The following PAPPA2 variants were observed in gnomAD, a reference collection of about 807,000 sequenced individuals.
The protein encoded by PAPPA2 is pappalysin-2.
A neutral mutation model predicts 176.4 loss-of-function variants in PAPPA2; 86 were observed. That is an observed-to-expected ratio of 0.49 (90% confidence interval 0.41 to 0.58). The LOEUF (loss-of-function observed/expected upper bound fraction) is 0.58, where lower values mean the gene tolerates loss of function less well. PAPPA2 is among the 20% of genes least tolerant of loss of function. The pLI is 0.00. For synonymous variants in PAPPA2, 809 were observed against 852.2 expected (o/e 0.95, Z 0.88); for missense variants, 2,073 against 2,256.9 (o/e 0.92, Z 1.65).
At chr1:176,547,501 T>C (rs1470498343) in intron 1 of PAPPA2, among the ~76,000 whole-genome samples, 1 of 152,206 alleles carries the variant, frequency 6.6e-6, no homozygotes, top group Non-Finnish European at 1.5e-5. Context: ...TCTGCCTTGG[T>C]TGTCATGACT....
At chr1:176,767,576 G>T (rs1346961024) in intron 15 of PAPPA2, among the ~76,000 whole-genome samples, 2 of 152,168 alleles carry the variant, frequency 1.3e-5, no homozygotes, top group Non-Finnish European at 2.9e-5. Flanking sequence ...TCCATCTGCT[G>T]ACCTCGTGAT....
intron 2 of PAPPA2, among the ~76,000 whole-genome samples, chr1:176,593,382 C>T (rs1332738270): frequency 6.6e-6 from 1 of 152,124 alleles, no homozygotes; most frequent in Non-Finnish European, 1.5e-5. Context: ...GGTATCTGAT[C>T]CAAAGACTAG....
rs774718615 is a variant in PAPPA2, at chr1:176,556,940, G to A, written c.618G>A (p.Ala206=). The A allele has an allele frequency of 1.2e-5, 19 of 1,613,930 alleles. No individual in the cohort carries two copies. The highest frequency in any genetic ancestry group is 1.6e-4 in the Middle Eastern group (1 of 6,084). The change falls in exon 2 of 23, where the codon GCG becomes GCA. Residue 206 remains alanine (A), a synonymous_variant. Transcript: ENST00000367662. ...GTCGCCAAGTGTGGAAGAGGCGGGC[G>A]GAAGATGGGCAGGGAGACTCCGGTA... ...RQRRQVWKRR[A]EDGQGDSGIS...
In PAPPA2 at chr1:176,699,732, A is replaced by G. The variant is rs1169421436; in HGVS notation, c.3236+143A>G. On this transcript the variant is annotated intron_variant, in intron 8 of 22. Coordinates refer to ENST00000367662, the MANE Select transcript of PAPPA2 (RefSeq NM_020318.3). ...AGAGGGGATTTTACCGTAAAGTGGC[A>G]TATCTGAGGTAAAGAAAAGCACTTC... is the stretch of plus-strand genomic sequence containing the variant. 7.4e-6 allele frequency: 10 copies of G among 1,351,210 alleles called. No homozygotes were observed. In the East Asian group the frequency reaches 2.1e-4, roughly 29 times the overall value. The allele number at this position is 1,351,210 out of a possible 1,614,324, so 83.7% of individuals were successfully genotyped here. A position where few individuals can be genotyped will look rare whatever the true frequency, so the allele number is the denominator to read the frequency against.
chr1:176,813,182 A>G (rs1175551900), intron 21 of PAPPA2, among the ~76,000 whole-genome samples: 2 of 152,086 alleles, frequency 1.3e-5, no homozygotes, highest in Non-Finnish European at 2.9e-5. Context: ...TTCCTTATCT[A>G]GTCTACCGTT....
chr1:176,694,010 T>A (rs1202997117), intron 6 of PAPPA2, among the ~76,000 whole-genome samples: 1 of 152,202 alleles, frequency 6.6e-6, no homozygotes, highest in Non-Finnish European at 1.5e-5. Context: ...TGCAGTTTGC[T>A]TCCTTTTCTC....
intron 2 of PAPPA2, among the ~76,000 whole-genome samples, chr1:176,562,506 T>G (rs1558439065): frequency 6.6e-6 from 1 of 152,220 alleles, no homozygotes; most frequent in Non-Finnish European, 1.5e-5. Flanking sequence ...CCTCAGTTGC[T>G]TCTTCCTATA....
chr1:176,670,464 CT>C, intron 3 of PAPPA2, among the ~76,000 whole-genome samples: 2 of 152,240 alleles, frequency 1.3e-5, no homozygotes, highest in South Asian at 2.1e-4. Flanking sequence ...TCATATTTTC[CT>C]CTTTTACTTT....
chr1:176,674,759 A>G (rs562801751), intron 4 of PAPPA2, among the ~76,000 whole-genome samples: 1 of 139,980 alleles, frequency 7.1e-6, no homozygotes, highest in East Asian at 2.1e-4. Context: ...TCTTTTCTCC[A>G]TATAGTGACT....
intron 15 of PAPPA2, among the ~76,000 whole-genome samples, chr1:176,766,441 C>T (rs945980868): frequency 3.3e-5 from 5 of 152,066 alleles, no homozygotes; most frequent in Admixed American, 1.3e-4. Flanking sequence ...GGAGACAGAT[C>T]GGAATTAAAT....
At chr1:176,572,672 T>C (rs184784369) in intron 2 of PAPPA2, among the ~76,000 whole-genome samples, 4 of 152,210 alleles carry the variant, frequency 2.6e-5, no homozygotes, top group East Asian at 3.9e-4. Flanking sequence ...TGAATATGAG[T>C]AGGATGTGTA....
chr1:176,831,648 G>A (rs949670877), intron 21 of PAPPA2, among the ~76,000 whole-genome samples: 21 of 152,196 alleles, frequency 1.4e-4, no homozygotes, highest in Non-Finnish European at 2.1e-4. Context: ...CTTGCAGTGA[G>A]GTAGAGAGTT....
At chr1:176,703,398 T>C (rs1248150221) in intron 9 of PAPPA2, among the ~76,000 whole-genome samples, 1 of 152,190 alleles carries the variant, frequency 6.6e-6, no homozygotes, top group East Asian at 1.9e-4. Flanking sequence ...ACTTCCCCGG[T>C]TTTAGCACTA....
chr1:176,662,944 A>C (rs1372561742), intron 3 of PAPPA2, among the ~76,000 whole-genome samples: 1 of 152,234 alleles, frequency 6.6e-6, no homozygotes, highest in Admixed American at 6.5e-5. Flanking sequence ...GTTATTTCTT[A>C]TTAGTGAGAA....
chr1:176,831,068 A>G (rs1444070926), intron 21 of PAPPA2, among the ~76,000 whole-genome samples: 1 of 152,226 alleles, frequency 6.6e-6, no homozygotes, highest in Non-Finnish European at 1.5e-5. Context: ...ATGGAGGGGT[A>G]GACAAAAGTT....
chr1:176,685,445 A>G (rs1240279277), intron 4 of PAPPA2, among the ~76,000 whole-genome samples: 1 of 152,208 alleles, frequency 6.6e-6, no homozygotes, highest in Non-Finnish European at 1.5e-5. Flanking sequence ...GCTTCTGCCC[A>G]TTGGTGCAGG....
chr1:176,692,513 G>A (rs1363879137), intron 6 of PAPPA2, among the ~76,000 whole-genome samples, 195 bp downstream of exon 6: 1 of 152,208 alleles, frequency 6.6e-6, no homozygotes, highest in Non-Finnish European at 1.5e-5. Context: ...GTGAGCCAGT[G>A]GCTCATCTTA....
intron 1 of PAPPA2, among the ~76,000 whole-genome samples, chr1:176,529,771 T>A (rs1182522302): frequency 6.8e-6 from 1 of 146,964 alleles, no homozygotes. Flanking sequence ...CATCACCAGC[T>A]TTTTTTTTTT....
Position 176,556,092 on chromosome 1 carries a change from T to G in PAPPA2, c.-231T>G. The G allele has an allele frequency of 1.8e-6, 1 of 561,818 alleles. No individual in the cohort carries two copies. Among genetic ancestry groups the G allele is most frequent in the African/African-American group, 1.9e-5 (1 of 53,408 alleles). The allele number at this position is 561,818 out of a possible 1,614,324, so 34.8% of individuals were successfully genotyped here. The stretch of plus-strand genomic sequence containing the variant: ...GAGGAGAGAGGTCAAGCGAGAAGCG[T>G]GCGGGAAGCACATGCCCTGGGGAGG... On this transcript the variant is annotated 5_prime_UTR_variant, in exon 2 of 23. Coordinates refer to ENST00000367662, the MANE Select transcript of PAPPA2 (RefSeq NM_020318.3).
Sources: allele counts gnomAD v4.1 joint callset (sites outside exome capture counted in the v4.1 genomes callset), GRCh38; gene constraint gnomAD v4.1.1; transcripts MANE v1.5; gene names NCBI Gene and HGNC (gene_info 2026-07-23, HGNC 2026-07-21).